LPP: variants seen among roughly 807,000 people sequenced by gnomAD.
The protein encoded by LPP is lipoma-preferred partner.
Under a neutral mutation model 60.4 loss-of-function variants are expected in LPP, and 38 were observed. That is an observed-to-expected ratio of 0.63 (90% CI 0.49 to 0.83). The LOEUF (loss-of-function observed/expected upper bound fraction) is 0.83. Among genes scored for constraint, LPP ranks in the 40% least tolerant of loss-of-function variants. The pLI is 0.00. For missense variants in LPP, 902 were observed against 783.6 expected (o/e 1.15, Z -1.80); for synonymous variants, 328 against 290.8 (o/e 1.13, Z -1.30).
At chr3:188,458,172 C>T (rs1036239797) in intron 4 of LPP, among the ~76,000 whole-genome samples, 2 of 152,088 alleles carry the variant, frequency 1.3e-5, no homozygotes, top group Admixed American at 6.6e-5. Context: ...ATCCACTAGG[C>T]ACATTTTCCA....
chr3:188,522,784 A>AAT (rs61033243), intron 5 of LPP, among the ~76,000 whole-genome samples: 12,148 of 124,732 alleles, frequency 0.097, 593 homozygotes, highest in East Asian at 0.16. Flanking sequence ...GATAATATGA[A>AAT]ATATATATAT....
intron 2 of LPP, among the ~76,000 whole-genome samples, chr3:188,286,419 C>G (rs748137124): frequency 3.9e-5 from 6 of 152,142 alleles, no homozygotes; most frequent in Non-Finnish European, 5.9e-5. Flanking sequence ...AACTGCTTGT[C>G]CTGACCCCAG....
At chr3:188,694,843 ATGTT>A (rs1862908564) in intron 7 of LPP, among the ~76,000 whole-genome samples, 2 of 152,238 alleles carry the variant, frequency 1.3e-5, no homozygotes. Context: ...TCATTAAAAA[ATGTT>A]TGTCCTTAAG....
At chr3:188,534,339 T>A (rs1377678182) in intron 6 of LPP, among the ~76,000 whole-genome samples, 1 of 152,258 alleles carries the variant, frequency 6.6e-6, no homozygotes, top group Non-Finnish European at 1.5e-5. Context: ...AACATTGGTT[T>A]GAAAAGAAAC....
At chr3:188,707,354 A>G (rs1460509244) in intron 7 of LPP, among the ~76,000 whole-genome samples, 5 of 152,138 alleles carry the variant, frequency 3.3e-5, no homozygotes, top group African/African-American at 1.2e-4. Context: ...ACAGGGGATG[A>G]GGGATAAAAG....
rs184428216 is a variant in LPP at position 188,730,153 on chromosome 3, T to G, written c.1240+21760T>G. On this transcript the variant is annotated intron_variant, in intron 8 of 11. Coordinates refer to ENST00000617246, the MANE Select transcript of LPP (RefSeq NM_001375462.1). ...AAATCATTGTGCGTATGTGCATATG[T>G]GCATTGTTTGTGCTGGTCCCACCTT... is the stretch of plus-strand genomic sequence containing the variant. Among the ~76,000 whole-genome samples, 1,097 of 152,350 alleles carry G rather than the reference T, an allele frequency of 7.2e-3. 4 individuals are homozygous for G. The highest frequency in any genetic ancestry group is 0.011 in the Non-Finnish European group (722 of 68,028).
rs551464420 is a variant in LPP at position 188,684,046 on chromosome 3, T to C, written c.1114-24221T>C. ...TGTTATTTTTCATATTCGAACTCTT[T>C]GTGCTGAAGATTCTGCAGTCAAACT... is the stretch of plus-strand genomic sequence containing the variant. On this transcript the variant is annotated intron_variant, in intron 7 of 11. Transcript: ENST00000617246. 2.6e-5 allele frequency among the ~76,000 whole-genome samples: 4 copies of C among 152,370 alleles called. No homozygotes were observed. The South Asian group carries it at 8.3e-4, about 32-fold the overall frequency.
chr3:188,568,225 A>G (rs1832658337), intron 6 of LPP: 1 of 152,006 alleles, frequency 6.6e-6, no homozygotes, highest in Admixed American at 6.6e-5. Flanking sequence ...AACATTATTG[A>G]GCAACTTGTA....
At chr3:188,687,065 T>G (rs1577028512) in intron 7 of LPP, among the ~76,000 whole-genome samples, 1 of 152,258 alleles carries the variant, frequency 6.6e-6, no homozygotes, top group Non-Finnish European at 1.5e-5. Context: ...TCAACAGCTT[T>G]GCTGTGCTTG....
intron 2 of LPP, among the ~76,000 whole-genome samples, chr3:188,335,156 G>C (rs1055626918): frequency 3.4e-4 from 51 of 152,218 alleles, no homozygotes; most frequent in Non-Finnish European, 5.7e-4. Context: ...CCAGTATGTT[G>C]ATGACTGTGG....
At chr3:188,238,967 A>G (rs1023283963) in intron 2 of LPP, among the ~76,000 whole-genome samples, 1 of 152,260 alleles carries the variant, frequency 6.6e-6, no homozygotes, top group Non-Finnish European at 1.5e-5. Context: ...AGTTAAGTAC[A>G]CATTGAAGAT....
intron 7 of LPP, among the ~76,000 whole-genome samples, chr3:188,694,944 A>G (rs1437223222): frequency 2.0e-5 from 3 of 152,180 alleles, no homozygotes; most frequent in African/African-American, 4.8e-5. Context: ...CTCACTGGCA[A>G]AAGGCAGATG....
At chr3:188,403,789 T>C (rs1030922951) in intron 3 of LPP, among the ~76,000 whole-genome samples, 4 of 152,200 alleles carry the variant, frequency 2.6e-5, no homozygotes, top group Non-Finnish European at 5.9e-5. Flanking sequence ...TGCTAGGCCT[T>C]AATGGTAGTT....
At chr3:188,243,857 T>A (rs192087554) in intron 2 of LPP, among the ~76,000 whole-genome samples, 11 of 152,090 alleles carry the variant, frequency 7.2e-5, no homozygotes, top group Admixed American at 3.3e-4. Context: ...TCTTTTTTTT[T>A]AATTAATTAT....
chr3:188,331,519 A>C (rs1297969567), intron 2 of LPP, among the ~76,000 whole-genome samples: 5 of 152,226 alleles, frequency 3.3e-5, no homozygotes, highest in African/African-American at 1.2e-4. Flanking sequence ...TAGTTTGAAA[A>C]AGTATAATAT....
At chr3:188,661,827 G>A (rs1342068735) in intron 7 of LPP, among the ~76,000 whole-genome samples, 1 of 152,152 alleles carries the variant, frequency 6.6e-6, no homozygotes, top group Non-Finnish European at 1.5e-5. Context: ...ACTAACTTGA[G>A]GGAAGCTGAT....
intron 5 of LPP, among the ~76,000 whole-genome samples, chr3:188,487,692 C>A (rs1806984459): frequency 6.6e-6 from 1 of 152,070 alleles, no homozygotes; most frequent in Non-Finnish European, 1.5e-5. Context: ...TGCTCTGGCC[C>A]AGGTTTGTAC....
At chr3:188,814,948 C>T (rs1470164278) in intron 9 of LPP, among the ~76,000 whole-genome samples, 1 of 152,208 alleles carries the variant, frequency 6.6e-6, no homozygotes, top group African/African-American at 2.4e-5. Flanking sequence ...ATGCTCTTAT[C>T]CGTAAAATGG....
intron 4 of LPP, among the ~76,000 whole-genome samples, chr3:188,455,232 A>T (rs1244422196): frequency 2.0e-5 from 3 of 152,136 alleles, no homozygotes; most frequent in Admixed American, 6.6e-5. Context: ...TATTATTAAT[A>T]GTAATATTTG....
Sources: allele counts gnomAD v4.1 joint callset (sites outside exome capture counted in the v4.1 genomes callset), GRCh38; gene constraint gnomAD v4.1.1; transcripts MANE v1.5; gene names NCBI Gene and HGNC (gene_info 2026-07-23, HGNC 2026-07-21).